Variants in COQ8A observed in about 807,000 individuals in gnomAD.
COQ8A encodes coenzyme Q8A.
COQ8A carries 51 observed loss-of-function variants against 65.0 expected under a neutral mutation model. The observed-to-expected ratio is 0.78, with a 90% CI of 0.63 to 0.99. COQ8A has a LOEUF of 0.99. Ranked by LOEUF, COQ8A falls within the 50% of genes least tolerant of loss-of-function variation. COQ8A has a pLI of 0.00. For missense variants in COQ8A, 940 were observed against 875.0 expected (o/e 1.07, Z -0.94); for synonymous variants, 371 against 353.2 (o/e 1.05, Z -0.57).
In COQ8A at chr1:226,955,155, C is replaced by T. The variant is rs16846738; in HGVS notation, c.-9-6222C>T. 2.5e-3 allele frequency among the ~76,000 whole-genome samples: 382 copies of T among 152,120 alleles called. 9 individuals carry two copies. The East Asian group carries it at 0.047, about 19-fold the overall frequency. On this transcript the variant is annotated intron_variant, in intron 1 of 14. Coordinates refer to ENST00000366777, the MANE Select transcript of COQ8A (RefSeq NM_020247.5). ...GGCAAGGGAGGAGGCTTGAAAGAAG[C>T]GTATGGTGGCCACATTCCTCAGGGT...
At chr1:226,947,812 TA>T in intron 1 of COQ8A, among the ~76,000 whole-genome samples, 1 of 151,578 alleles carries the variant, frequency 6.6e-6, no homozygotes, top group Admixed American at 6.6e-5. Context: ...TATATATATA[TA>T]TATATCTATC....
chr1:226,962,748 G>A (rs1188850110), intron 2 of COQ8A, among the ~76,000 whole-genome samples: 19 of 152,184 alleles, frequency 1.2e-4, no homozygotes, highest in Admixed American at 1.2e-3. Context: ...CTGTCACCAA[G>A]CATACCTGCC....
intron 14 of COQ8A, among the ~76,000 whole-genome samples, chr1:226,985,785 C>T (rs762383620): frequency 2.4e-4 from 36 of 152,200 alleles, no homozygotes; most frequent in Non-Finnish European, 1.8e-4. Context: ...TGCTGCTTGA[C>T]AGTGGGGAAG....
At chr1:226,961,681 C>T in intron 2 of COQ8A, 119 bp downstream of exon 2, 1 of 1,263,060 alleles carries the variant, frequency 7.9e-7, no homozygotes. Context: ...GCCTGAGGGC[C>T]CACCAGCTAA....
intron 1 of COQ8A, among the ~76,000 whole-genome samples, chr1:226,960,203 TTGGTGGTGGTGG>T (rs757516723): frequency 7.1e-6 from 1 of 141,818 alleles, no homozygotes; most frequent in African/African-American, 2.7e-5. Context: ...GTGGTGGTAC[TTGGTGGTGGTGG>T]TGGTGGTGAT....
At chr1:226,985,405 T>C in intron 14 of COQ8A, 65 bp downstream of exon 14, 1 of 1,574,480 alleles carries the variant, frequency 6.4e-7, no homozygotes, top group East Asian at 2.2e-5. Flanking sequence ...TGTGTAAGAA[T>C]GGATGAAAGC....
chr1:226,982,147 A>G lies in COQ8A; in HGVS notation c.851A>G (p.Gln284Arg). The G allele has an allele frequency of 6.3e-7, 1 of 1,590,256 alleles. No homozygotes were observed. Among genetic ancestry groups the G allele is most frequent in the South Asian group, 1.1e-5 (1 of 87,966 alleles). Residue 284 changes from glutamine to arginine, a missense_variant and splice_region_variant, in exon 6 of 15, where the codon CAG becomes CGG. By Grantham distance (43) the Gln-to-Arg change is conservative (BLOSUM62 1). Transcript: ENST00000366777. ...AAGCTGGGCCAGATGCTGAGCATCC[A>G]GGGTGAGTGGGCGCGGGGGCTGCTG... ...ALKLGQMLSIQDDAFINPHLA... is the reference protein window; with the variant it reads ...ALKLGQMLSIRDDAFINPHLA...
chr1:226,961,352 C>CCTGACTTGGCCTCCT, intron 1 of COQ8A, 25 bp from the exon 2 acceptor site: 1 of 1,612,990 alleles, frequency 6.2e-7, no homozygotes, highest in Non-Finnish European at 8.5e-7. Flanking sequence ...TGGGGCCTCC[C>CCTGACTTGGCCTCCT]CTGACTTGGC....
chr1:226,970,762 AT>A (rs1658854312), intron 4 of COQ8A, among the ~76,000 whole-genome samples: 1 of 152,094 alleles, frequency 6.6e-6, no homozygotes, highest in African/African-American at 2.4e-5. Flanking sequence ...CACAAGAATT[AT>A]TTCTTTGTAC....
chr1:226,982,302 G>C, intron 6 of COQ8A, 153 bp downstream of exon 6: 3 of 1,208,894 alleles, frequency 2.5e-6, no homozygotes, highest in Non-Finnish European at 3.4e-6. Flanking sequence ...CTGGTCTCCA[G>C]ACGGGTGGCT....
At position 226,972,636 on chromosome 1, in the gene COQ8A, C is replaced by T. The variant is rs923463139; in HGVS notation, c.656-4813C>T. On this transcript the variant is annotated intron_variant, in intron 4 of 14. Transcript: ENST00000366777. This position sits in a 1 kb window ranked among gnomAD's most constrained non-coding sequence, Gnocchi z 4.3. ...ATTTCCCAAAGATGCCAGTACACTTCGGATACTGTTAATACACCAGCAGCA... is the reference window on the plus strand; with the variant it reads ...ATTTCCCAAAGATGCCAGTACACTTTGGATACTGTTAATACACCAGCAGCA... 3.3e-5 allele frequency among the ~76,000 whole-genome samples: 5 copies of T among 152,166 alleles called. No homozygotes were observed. The highest frequency in any genetic ancestry group is 2.0e-4 in the Admixed American group (3 of 15,274).
Position 226,983,822 on chromosome 1 carries a change from C to A in COQ8A, c.1224C>A (p.Tyr408Ter), listed in dbSNP as rs765804167. 3 of 1,611,832 alleles carry A rather than the reference C, an allele frequency of 1.9e-6. No homozygotes were observed. In the African/African-American group the frequency reaches 4.0e-5, roughly 22 times the overall value. The change falls in exon 10 of 15, where the codon TAC (tyrosine) becomes TAA (stop). Residue 408 changes from tyrosine (Y) to a stop codon, truncating the protein, a stop_gained. Transcript: ENST00000366777. LOFTEE classifies it high-confidence loss of function. ...GGGAGCTGGCCCTGGAGTGTGACTA[C>A]CAGCGAGAGGCCGCCTGTGCCCGCA... ...LRRELALECD[Y>*]QREAACARKF...
chr1:226,967,540 A>T (rs1031279162), intron 4 of COQ8A, among the ~76,000 whole-genome samples: 1 of 152,200 alleles, frequency 6.6e-6, no homozygotes, highest in Non-Finnish European at 1.5e-5. Context: ...GAGCACCACG[A>T]AGTCCTGGCG....
chr1:226,982,688 T>C lies in COQ8A; in HGVS notation c.864T>C (p.Phe288=), dbSNP rs776243297. ...TCTCCTGCCTTCCAGATGATGCCTTTATCAACCCCCACCTGGCTAAGATCT... is the reference window on the plus strand; with the variant it reads ...TCTCCTGCCTTCCAGATGATGCCTTCATCAACCCCCACCTGGCTAAGATCT... The part of the protein sequence containing the change: ...GQMLSIQDDA[F]INPHLAKIFE... The change falls in exon 7 of 15, where the codon TTT becomes TTC. Residue 288 remains phenylalanine, a synonymous_variant. Transcript: ENST00000366777. 5 of 1,613,472 alleles carry C rather than the reference T, an allele frequency of 3.1e-6. No homozygotes were observed. Among genetic ancestry groups the C allele is most frequent in the Non-Finnish European group, 4.2e-6 (5 of 1,179,996 alleles).
intron 14 of COQ8A, among the ~76,000 whole-genome samples, chr1:226,985,992 T>C (rs938219817): frequency 6.6e-6 from 1 of 152,212 alleles, no homozygotes; most frequent in Non-Finnish European, 1.5e-5. Context: ...CCTTGGGCTG[T>C]CCCTGGCGGC....
At chr1:226,965,617 G>A in intron 3 of COQ8A, 54 bp from the exon 4 acceptor site, 15 of 1,598,358 alleles carry the variant, frequency 9.4e-6, no homozygotes, top group Non-Finnish European at 5.1e-6. Flanking sequence ...GCCTCTGAAG[G>A]TTGGTCCTGT....
rs901779259 is a variant in COQ8A at position 226,946,852 on chromosome 1, C to T, written c.-10+6453C>T. 7.2e-5 allele frequency among the ~76,000 whole-genome samples: 11 copies of T among 152,158 alleles called. No individual in the cohort carries two copies. Among genetic ancestry groups the T allele is most frequent in the East Asian group, 1.9e-4 (1 of 5,190 alleles). On this transcript the variant is annotated intron_variant, in intron 1 of 14. Transcript: ENST00000366777. This position sits in a 1 kb window ranked among gnomAD's most constrained non-coding sequence, Gnocchi z 5.3. ...TGTTGAGTGTGGCAAGACTGAGGGCCGTGTGCCCGATGGCTCCTCCTAGCT... is the reference window on the plus strand; with the variant it reads ...TGTTGAGTGTGGCAAGACTGAGGGCTGTGTGCCCGATGGCTCCTCCTAGCT...
At chr1:226,976,852 G>C (rs888503727) in intron 4 of COQ8A, among the ~76,000 whole-genome samples, 3 of 152,228 alleles carry the variant, frequency 2.0e-5, no homozygotes, top group South Asian at 2.1e-4. Flanking sequence ...CAAGGTGGGC[G>C]AGAGGGCCTT....
Position 226,947,534 on chromosome 1 carries a change from C to T in COQ8A, c.-10+7135C>T, listed in dbSNP as rs756501610. On this transcript the variant is annotated intron_variant, in intron 1 of 14. Transcript: ENST00000366777. ...AAGAATATAAAACCGAGGCCAGGCA[C>T]GGTGACTCACACCTATAATCCCAGC... Among the ~76,000 whole-genome samples, 20 of 152,238 alleles carry T rather than the reference C, an allele frequency of 1.3e-4. No individual in the cohort carries two copies. The East Asian group carries it at 1.4e-3, about 10-fold the overall frequency.
Sources: allele counts gnomAD v4.1 joint callset (sites outside exome capture counted in the v4.1 genomes callset), GRCh38; gene constraint gnomAD v4.1.1; non-coding constraint Gnocchi (gnomAD v3.1); transcripts MANE v1.5; gene names NCBI Gene and HGNC (gene_info 2026-07-23, HGNC 2026-07-21).